TMC5: variants seen among roughly 807,000 people sequenced by gnomAD.
The protein encoded by TMC5 is transmembrane channel-like protein 5.
A neutral mutation model predicts 110.5 loss-of-function variants in TMC5; 86 were observed. That is an observed-to-expected ratio of 0.78 (90% CI 0.65 to 0.93). The LOEUF (loss-of-function observed/expected upper bound fraction) is 0.93. Ranked by LOEUF, TMC5 falls within the 40% of genes least tolerant of loss-of-function variation. TMC5 has a pLI of 0.00. For synonymous variants in TMC5, 455 were observed against 439.5 expected (o/e 1.04, Z -0.44); for missense variants, 1,144 against 1,222.8 (o/e 0.94, Z 0.96).
chr16:19,459,947 G>A (rs932205903), intron 5 of TMC5, among the ~76,000 whole-genome samples: 1 of 149,390 alleles, frequency 6.7e-6, no homozygotes, highest in Non-Finnish European at 1.5e-5. Flanking sequence ...AATAGAAGAG[G>A]TAGGGTGACC....
At position 19,434,107 on chromosome 16, in the gene TMC5, T is replaced by TATC. The variant is rs61592531; in HGVS notation, c.-80+3467_-80+3468insATC. ...TATATATATATCTATAATATATATA[T>TATC]TATATATATATCTATATATCTAAAA... On this transcript the variant is annotated intron_variant, in intron 2 of 21. Coordinates refer to ENST00000542583, the MANE Select transcript of TMC5 (RefSeq NM_001261841.2). Among the ~76,000 whole-genome samples the TATC allele has an allele frequency of 5.3e-5, 6 of 113,470 alleles. No homozygotes were observed. In the South Asian group the frequency reaches 7.2e-4, roughly 14 times the overall value. 74.4% of individuals were successfully genotyped at this position (113,470 alleles called of 152,430 possible). A position where few individuals can be genotyped will look rare whatever the true frequency, so the allele number is the denominator to read the frequency against.
intron 5 of TMC5, among the ~76,000 whole-genome samples, chr16:19,450,309 G>C (rs1042642415): frequency 6.6e-6 from 1 of 152,198 alleles, no homozygotes; most frequent in African/African-American, 2.4e-5. Flanking sequence ...AATGAAAGTA[G>C]AAGTATTAGT....
rs565569754 is a variant in TMC5 at position 19,449,086 on chromosome 16, C to T, written c.959-456C>T. On this transcript the variant is annotated intron_variant, in intron 4 of 21. Transcript: ENST00000542583. Reference sequence around the variant, plus strand: ...CAGGATGGTCTCGATCTCCTGACCTCGTGATCCACCTGTCTCGGCCTCCCA... The same window carrying T: ...CAGGATGGTCTCGATCTCCTGACCTTGTGATCCACCTGTCTCGGCCTCCCA... 2.6e-4 allele frequency among the ~76,000 whole-genome samples: 39 copies of T among 151,956 alleles called. 1 individual carries two copies. The South Asian group carries it at 6.4e-3, about 25-fold the overall frequency.
chr16:19,497,278 C>T, intron 21 of TMC5, 115 bp downstream of exon 21: 1 of 1,119,254 alleles, frequency 8.9e-7, no homozygotes, highest in Non-Finnish European at 1.3e-6. Flanking sequence ...AAATTGGATC[C>T]AAACTGGCTT....
upstream of TMC5, among the ~76,000 whole-genome samples, chr16:19,416,729 T>C (rs1286489768): frequency 6.6e-6 from 1 of 152,184 alleles, no homozygotes; most frequent in African/African-American, 2.4e-5. Context: ...GGACATGCCA[T>C]TGGTGATCAT....
chr16:19,420,209 G>A (rs567174132), intron 1 of TMC5, among the ~76,000 whole-genome samples: 4 of 152,178 alleles, frequency 2.6e-5, no homozygotes, highest in African/African-American at 9.6e-5. Flanking sequence ...GGCAGATCAC[G>A]AGATTAGGAG....
chr16:19,434,634 T>G (rs1382672982), intron 2 of TMC5, among the ~76,000 whole-genome samples: 1 of 151,632 alleles, frequency 6.6e-6, no homozygotes, highest in Non-Finnish European at 1.5e-5. Context: ...CATTTCCTAT[T>G]TCTTTAATCA....
chr16:19,466,412 C>T lies in TMC5; in HGVS notation c.1637+179C>T, dbSNP rs188923905. ...TGTCACCCATGCTGGAGTACAGTGGCGCAATCTGGGCTCACTGCAACCTCC... is the reference window on the plus strand; with the variant it reads ...TGTCACCCATGCTGGAGTACAGTGGTGCAATCTGGGCTCACTGCAACCTCC... On this transcript the variant is annotated intron_variant, in intron 9 of 21. Transcript: ENST00000542583. Among the ~76,000 whole-genome samples the T allele has an allele frequency of 3.7e-4, 57 of 152,246 alleles. No individual in the cohort carries two copies. In the East Asian group the frequency reaches 7.9e-3, roughly 21 times the overall value.
At chr16:19,468,953 C>G (rs1968255020) in intron 9 of TMC5, among the ~76,000 whole-genome samples, 1 of 152,194 alleles carries the variant, frequency 6.6e-6, no homozygotes, top group African/African-American at 2.4e-5. Context: ...GACTACACCA[C>G]TGCACTCTAG....
intron 17 of TMC5, 65 bp downstream of exon 17, chr16:19,487,391 T>C: frequency 1.9e-6 from 3 of 1,551,030 alleles, no homozygotes; most frequent in Non-Finnish European, 2.6e-6. Flanking sequence ...TTTTAAAACG[T>C]AGGTTTTATT....
intron 1 of TMC5, among the ~76,000 whole-genome samples, chr16:19,412,315 T>C (rs1307224252): frequency 2.0e-5 from 3 of 151,880 alleles, no homozygotes; most frequent in Admixed American, 2.0e-4. Flanking sequence ...CAAAAGATCC[T>C]CCTGCCTCAG....
intron 1 of TMC5, among the ~76,000 whole-genome samples, chr16:19,426,748 G>C (rs965411068): frequency 1.6e-4 from 25 of 152,188 alleles, no homozygotes; most frequent in African/African-American, 5.8e-4. Context: ...ATTTTTTATT[G>C]CTTCTCTTTT....
chr16:19,415,427 G>A (rs1051623373), upstream of TMC5, among the ~76,000 whole-genome samples: 1 of 152,100 alleles, frequency 6.6e-6, no homozygotes, highest in African/African-American at 2.4e-5. Flanking sequence ...CTTGCAGATG[G>A]GGTGGGGTTG....
intron 7 of TMC5, 112 bp downstream of exon 7, chr16:19,463,479 C>T: frequency 1.0e-6 from 1 of 969,680 alleles, no homozygotes; most frequent in South Asian, 1.3e-5. Flanking sequence ...ATTTCATTGC[C>T]CAGAGCCAAC....
In TMC5 at chr16:19,491,945, G is replaced by C. The variant is rs1471844418; in HGVS notation, c.2748-205G>C. ...ATGCTCAATTAATTGGTCTGAAGAGGAGCTGTGGCATGGGCTTATTTCCCC... is the reference window on the plus strand; with the variant it reads ...ATGCTCAATTAATTGGTCTGAAGAGCAGCTGTGGCATGGGCTTATTTCCCC... On this transcript the variant is annotated intron_variant, in intron 18 of 21. Coordinates refer to ENST00000542583, the MANE Select transcript of TMC5 (RefSeq NM_001261841.2). Among the ~76,000 whole-genome samples the C allele has an allele frequency of 2.6e-5, 4 of 152,122 alleles. No homozygotes were observed. In the East Asian group the frequency reaches 7.7e-4, roughly 29 times the overall value.
intron 5 of TMC5, among the ~76,000 whole-genome samples, chr16:19,452,140 G>A (rs1245618431): frequency 3.3e-5 from 5 of 152,168 alleles, no homozygotes; most frequent in African/African-American, 7.2e-5. Flanking sequence ...GGGTTCCCAC[G>A]ACCTCCTCCT....
In TMC5 at chr16:19,466,139, C is replaced by T; in HGVS notation, c.1543C>T (p.His515Tyr). The change falls in exon 9 of 22, where the codon CAC (histidine) becomes TAC (tyrosine). Residue 515 changes from histidine to tyrosine, a missense_variant. Transcript: ENST00000542583. ...YGFYTNSTIQ[H>Y]GNSGASYNMQ... is the part of the protein sequence containing the mutation. ...CTTTTACACCAATTCCACCATCCAG[C>T]ACGGGAACAGCGGGGCATCCTACAA... The T allele has an allele frequency of 5.0e-6, 8 of 1,614,140 alleles. No homozygotes were observed. The highest frequency in any genetic ancestry group is 1.1e-5 in the South Asian group (1 of 91,080).
intron 2 of TMC5, among the ~76,000 whole-genome samples, chr16:19,435,287 T>G (rs753779076): frequency 8.0e-5 from 12 of 150,258 alleles, no homozygotes; most frequent in Non-Finnish European, 1.5e-4. Context: ...GTCAGGAGAT[T>G]GAGACCATCC....
chr16:19,443,291 C>A (rs1273683044), intron 3 of TMC5, among the ~76,000 whole-genome samples: 1 of 152,224 alleles, frequency 6.6e-6, no homozygotes, highest in African/African-American at 2.4e-5. Context: ...AGTTGATTTT[C>A]ATAGCATTTC....
Sources: allele counts gnomAD v4.1 joint callset (sites outside exome capture counted in the v4.1 genomes callset), GRCh38; gene constraint gnomAD v4.1.1; transcripts MANE v1.5; gene names NCBI Gene and HGNC (gene_info 2026-07-23, HGNC 2026-07-21).